Variants in FOXP1 observed in about 807,000 individuals in gnomAD.
FOXP1 encodes the protein forkhead box P1, also known as forkhead box protein P1.
Under a neutral mutation model 98.2 loss-of-function variants are expected in FOXP1, and 15 were observed. The observed-to-expected ratio is 0.15, with a 90% CI of 0.10 to 0.24. The LOEUF (loss-of-function observed/expected upper bound fraction) is 0.24. FOXP1 is among the 10% of genes least tolerant of loss of function. FOXP1 has a pLI of 1.00. For missense variants in FOXP1, 633 were observed against 848.5 expected, an observed-to-expected ratio of 0.75 and a Z score of 3.15; for synonymous variants, 371 against 314.5, an observed-to-expected ratio of 1.18 and a Z score of -1.90.
At chr3:71,102,040 T>C (rs568667190) in intron 7 of FOXP1, among the ~76,000 whole-genome samples, 1 of 152,272 alleles carries the variant, frequency 6.6e-6, no homozygotes, top group East Asian at 1.9e-4. Flanking sequence ...CCTTTAGAAA[T>C]GACTAGTATT....
intron 10 of FOXP1, among the ~76,000 whole-genome samples, chr3:71,043,490 T>C (rs1320942482): frequency 6.6e-6 from 1 of 152,200 alleles, no homozygotes; most frequent in African/African-American, 2.4e-5. Context: ...GCTACTGTTG[T>C]CTGCACACCA....
At chr3:71,578,696 T>C (rs1354283853) in intron 2 of FOXP1, among the ~76,000 whole-genome samples, 1 of 152,170 alleles carries the variant, frequency 6.6e-6, no homozygotes, top group East Asian at 1.9e-4. Context: ...TATAAATATA[T>C]TTGAAAAATA....
In FOXP1 at chr3:71,297,766, C is replaced by T. The variant is rs528257945; in HGVS notation, c.-12+2054G>A. Among the ~76,000 whole-genome samples, 71 of 151,192 alleles carry T rather than the reference C, an allele frequency of 4.7e-4. 1 individual carries two copies. The highest frequency in any genetic ancestry group is 1.4e-3 in the African/African-American group (57 of 41,202). ...GAGTAGCTGGGATCACAGGTGCCCG[C>T]CACCACACCCAGCTAATTTTTGTAT... On this transcript the variant is annotated intron_variant, in intron 5 of 20. Transcript: ENST00000649528.
chr3:71,385,626 A>G (rs1033989768), intron 3 of FOXP1, among the ~76,000 whole-genome samples: 4 of 152,242 alleles, frequency 2.6e-5, no homozygotes, highest in African/African-American at 9.6e-5. Flanking sequence ...ACACAGTAAT[A>G]CATATGAATG....
intron 6 of FOXP1, among the ~76,000 whole-genome samples, chr3:71,132,298 C>CAAAT (rs2059612578): frequency 6.6e-6 from 1 of 152,156 alleles, no homozygotes; most frequent in Non-Finnish European, 1.5e-5. Flanking sequence ...GGAATGAACA[C>CAAAT]AAATGTTCCA....
At chr3:71,348,143 G>C (rs572389986) in intron 4 of FOXP1, among the ~76,000 whole-genome samples, 1 of 152,010 alleles carries the variant, frequency 6.6e-6, no homozygotes, top group Non-Finnish European at 1.5e-5. Flanking sequence ...CTATTTTCTT[G>C]TACTGTACTC....
intron 4 of FOXP1, among the ~76,000 whole-genome samples, chr3:71,353,842 T>C (rs1253758782): frequency 6.6e-6 from 1 of 152,090 alleles, no homozygotes; most frequent in East Asian, 1.9e-4. Flanking sequence ...TGGAACAATA[T>C]AGCAAAAATA....
chr3:71,523,840 C>A (rs1317948036), intron 2 of FOXP1, among the ~76,000 whole-genome samples: 1 of 152,026 alleles, frequency 6.6e-6, no homozygotes, highest in African/African-American at 2.4e-5. Flanking sequence ...CTTCTCTCAC[C>A]CCCATTTTAT....
chr3:71,326,853 A>T, intron 4 of FOXP1, among the ~76,000 whole-genome samples: 1 of 152,228 alleles, frequency 6.6e-6, no homozygotes, highest in African/African-American at 2.4e-5. Context: ...ACTCCGGATG[A>T]ACTGGTTTAC....
At chr3:71,124,019 G>A (rs1305879987) in intron 6 of FOXP1, among the ~76,000 whole-genome samples, 2 of 151,884 alleles carry the variant, frequency 1.3e-5, no homozygotes, top group Admixed American at 6.6e-5. Context: ...ATTAACTATT[G>A]GGTACTATGC....
intron 5 of FOXP1, among the ~76,000 whole-genome samples, chr3:71,234,299 T>C (rs779542855): frequency 6.6e-6 from 1 of 152,176 alleles, no homozygotes; most frequent in Non-Finnish European, 1.5e-5. Context: ...AACCATTCAT[T>C]ATATTCCAAC....
chr3:71,135,954 T>A (rs1253306117), intron 6 of FOXP1, among the ~76,000 whole-genome samples: 1 of 152,160 alleles, frequency 6.6e-6, no homozygotes, highest in Non-Finnish European at 1.5e-5. Flanking sequence ...AGAAAGAAAA[T>A]CTTCCTTCAG....
chr3:71,253,216 G>A (rs1395197489), intron 5 of FOXP1, among the ~76,000 whole-genome samples: 1 of 152,204 alleles, frequency 6.6e-6, no homozygotes, highest in Admixed American at 6.5e-5. Flanking sequence ...AACATTAAAA[G>A]GCAGGTTGGT....
chr3:70,967,645 G>GT (rs905310255), intron 19 of FOXP1, among the ~76,000 whole-genome samples: 5,301 of 57,424 alleles, frequency 0.092, 339 homozygotes, highest in African/African-American at 0.22. Context: ...CTTTCTTTTT[G>GT]TTTTTTTTTT....
In FOXP1 at chr3:71,252,005, C is replaced by T. The variant is rs905633061; in HGVS notation, c.-12+47815G>A. Among the ~76,000 whole-genome samples the T allele has an allele frequency of 2.6e-5, 4 of 152,186 alleles. No homozygotes were observed. The East Asian group carries it at 5.8e-4, about 22-fold the overall frequency. On this transcript the variant is annotated intron_variant, in intron 5 of 20. Transcript: ENST00000649528. ...AGATGCTCCCCCTTCCCAGCTTTCT[C>T]TGCAGTTAGGGATGGTGATCTAATT...
intron 7 of FOXP1, among the ~76,000 whole-genome samples, chr3:71,086,181 T>C (rs1424635707): frequency 6.6e-6 from 1 of 152,174 alleles, no homozygotes; most frequent in Non-Finnish European, 1.5e-5. Context: ...AAATATCGGA[T>C]TGAAATCCAT....
chr3:71,313,051 T>G (rs1410104652), intron 4 of FOXP1, among the ~76,000 whole-genome samples: 5 of 149,334 alleles, frequency 3.3e-5, no homozygotes, highest in Non-Finnish European at 7.4e-5. Flanking sequence ...CAATGAAACT[T>G]TAATTCTTTT....
At chr3:71,332,777 T>C (rs2076416940) in intron 4 of FOXP1, 1 of 152,268 alleles carries the variant, frequency 6.6e-6, no homozygotes, top group Non-Finnish European at 1.5e-5. Flanking sequence ...AGTGTCACTT[T>C]GAACACTGTA....
chr3:71,202,692 T>G (rs969289090), intron 5 of FOXP1, among the ~76,000 whole-genome samples: 1 of 152,214 alleles, frequency 6.6e-6, no homozygotes, highest in Admixed American at 6.5e-5. Flanking sequence ...TAAAGTCCTG[T>G]GCTGGGTAGT....
Sources: gnomAD v4.1 joint callset for allele counts (sites outside exome capture counted in the v4.1 genomes callset) on GRCh38, gnomAD v4.1.1 for gene constraint, MANE v1.5 for transcripts, NCBI Gene and HGNC (gene_info 2026-07-23, HGNC 2026-07-21) for gene names.